Variants in DAB1 observed in about 807,000 individuals in gnomAD.
The protein encoded by DAB1 is DAB adaptor protein 1.
In DAB1, 15 loss-of-function variants were observed where a neutral mutation model predicts 64.6. That is an observed-to-expected ratio of 0.23 (90% CI 0.16 to 0.36). The LOEUF is 0.36. Among genes scored for constraint, DAB1 ranks in the 10% least tolerant of loss-of-function variants. The pLI, the probability that DAB1 is intolerant of heterozygous loss-of-function variation, is 1.00. For missense variants in DAB1, 596 were observed against 706.7 expected, an observed-to-expected ratio of 0.84 and a Z score of 1.78; for synonymous variants, 235 against 251.9, an observed-to-expected ratio of 0.93 and a Z score of 0.64.
chr1:57,015,489 G>T (rs912750386), intron 11 of DAB1, 58 bp from the exon 12 acceptor site: 57 of 1,464,474 alleles, frequency 3.9e-5, no homozygotes, highest in Non-Finnish European at 4.8e-5. Flanking sequence ...AAAGAAGGAT[G>T]CATGGACTCA....
intron 7 of DAB1, among the ~76,000 whole-genome samples, chr1:57,472,128 G>T (rs1277054825): frequency 1.3e-5 from 2 of 152,232 alleles, no homozygotes; most frequent in Non-Finnish European, 2.9e-5. Flanking sequence ...GTGAGTATGT[G>T]GCAGAGCCAG....
rs368574744 is a variant in DAB1, at chr1:58,432,656, A to C, written n.257+73404T>G. Among the ~76,000 whole-genome samples, 141 of 152,300 alleles carry C rather than the reference A, an allele frequency of 9.3e-4. 1 individual carries two copies. The highest frequency in any genetic ancestry group is 3.3e-3 in the African/African-American group (137 of 41,572). Reference sequence around the variant, plus strand: ...GTCACTCCTCCCCCTGCCCCAACCAAGAGCTCCCTAAAGACCAGGACCACC... The same window carrying C: ...GTCACTCCTCCCCCTGCCCCAACCACGAGCTCCCTAAAGACCAGGACCACC... On this transcript the variant is annotated intron_variant and non_coding_transcript_variant, in intron 3 of 20. Coordinates refer to the DAB1 transcript ENST00000485760.
At chr1:57,798,330 G>A (rs753676744) in intron 6 of DAB1, among the ~76,000 whole-genome samples, 9 of 152,216 alleles carry the variant, frequency 5.9e-5, no homozygotes, top group African/African-American at 1.7e-4. Context: ...ATGAAGGTAC[G>A]TAAGTTCTGG....
chr1:57,675,743 A>T (rs1646558974), intron 6 of DAB1, among the ~76,000 whole-genome samples: 2 of 152,240 alleles, frequency 1.3e-5, no homozygotes, highest in Admixed American at 6.5e-5. Flanking sequence ...AACTGAATAT[A>T]GTTCATTATA....
At chr1:57,282,437 G>A (rs115305200) in intron 2 of DAB1, among the ~76,000 whole-genome samples, 4,438 of 152,178 alleles carry the variant, frequency 0.029, 63 homozygotes, top group Non-Finnish European at 0.038. Context: ...TATGCTGCCA[G>A]GGTTACAGTA....
intron 3 of DAB1, among the ~76,000 whole-genome samples, chr1:58,408,950 A>G (rs954730754): frequency 1.3e-5 from 2 of 152,210 alleles, no homozygotes; most frequent in African/African-American, 2.4e-5. Flanking sequence ...GGGGAACACA[A>G]GAGATGAATT....
At chr1:57,507,403 G>C (rs1321021787) in intron 7 of DAB1, among the ~76,000 whole-genome samples, 1 of 152,166 alleles carries the variant, frequency 6.6e-6, no homozygotes, top group Non-Finnish European at 1.5e-5. Flanking sequence ...CTAATTACCT[G>C]TATCATTAAT....
At chr1:57,026,429 A>T (rs1277634371) in intron 9 of DAB1, among the ~76,000 whole-genome samples, 1 of 152,190 alleles carries the variant, frequency 6.6e-6, no homozygotes, top group Non-Finnish European at 1.5e-5. Context: ...CACACATACA[A>T]CTTGCCTTCC....
intron 4 of DAB1, among the ~76,000 whole-genome samples, chr1:58,214,577 T>C (rs1658741476): frequency 6.6e-6 from 1 of 152,144 alleles, no homozygotes; most frequent in Admixed American, 6.5e-5. Context: ...GGCCACTGGA[T>C]TGAGCAACAT....
At chr1:57,062,587 CCCTAGAACA>C (rs1469935497) in intron 9 of DAB1, among the ~76,000 whole-genome samples, 2 of 152,156 alleles carry the variant, frequency 1.3e-5, no homozygotes, top group Non-Finnish European at 2.9e-5. Context: ...GAGACTTTTG[CCCTAGAACA>C]CCTATGACCT....
chr1:58,242,714 G>A (rs1379371760), intron 4 of DAB1, among the ~76,000 whole-genome samples: 1 of 152,030 alleles, frequency 6.6e-6, no homozygotes. Context: ...AGTCAACTAA[G>A]AAGAGTTCAT....
chr1:57,812,952 A>G (rs1291195385), intron 6 of DAB1, among the ~76,000 whole-genome samples: 2 of 152,198 alleles, frequency 1.3e-5, no homozygotes, highest in African/African-American at 4.8e-5. Context: ...TGTGTGGTCT[A>G]CACTACCACA....
rs765174076 is a variant in DAB1, at chr1:57,918,936, C to T, written n.388-34774G>A. Among the ~76,000 whole-genome samples, 9 of 152,188 alleles carry T rather than the reference C, an allele frequency of 5.9e-5. No individual in the cohort carries two copies. The South Asian group carries it at 1.2e-3, about 21-fold the overall frequency. On this transcript the variant is annotated intron_variant and non_coding_transcript_variant, in intron 5 of 20. Coordinates refer to the DAB1 transcript ENST00000485760. ...CACCACATTGGAGGTCACATTTCAA[C>T]GTGAGTTTTTGTCAGGACAAACTAT... is the stretch of plus-strand genomic sequence containing the variant.
upstream of DAB1, among the ~76,000 whole-genome samples, chr1:57,426,550 A>G (rs1685292699): frequency 1.3e-5 from 2 of 152,196 alleles, no homozygotes; most frequent in African/African-American, 4.8e-5. Flanking sequence ...GGCATAAGAA[A>G]AAAATCTCAG....
At chr1:58,375,882 G>C (rs1458829719) in intron 3 of DAB1, among the ~76,000 whole-genome samples, 1 of 144,878 alleles carries the variant, frequency 6.9e-6, no homozygotes, top group Non-Finnish European at 1.5e-5. Context: ...TCTATTCAGA[G>C]ATTCAACTTC....
intron 5 of DAB1, among the ~76,000 whole-genome samples, chr1:57,949,245 G>A (rs1462954960): frequency 2.0e-5 from 3 of 152,138 alleles, no homozygotes; most frequent in Non-Finnish European, 1.5e-5. Context: ...CACAAGGAGT[G>A]CACAGCCTAG....
intron 2 of DAB1, among the ~76,000 whole-genome samples, chr1:57,236,498 T>A (rs553826623): frequency 4.6e-5 from 7 of 152,080 alleles, no homozygotes; most frequent in Non-Finnish European, 1.0e-4. Context: ...GGGGTTACAT[T>A]CTAGGCAATG....
At chr1:57,830,577 T>C (rs1372883673) in intron 1 of DAB1, among the ~76,000 whole-genome samples, 2 of 152,094 alleles carry the variant, frequency 1.3e-5, no homozygotes, top group African/African-American at 2.4e-5. Context: ...TATGTCTCCT[T>C]ACACATGAAA....
chr1:58,489,264 G>A lies in DAB1; in HGVS notation n.257+16796C>T, dbSNP rs140122112. Among the ~76,000 whole-genome samples, 883 of 152,300 alleles carry A rather than the reference G, an allele frequency of 5.8e-3. 32 individuals carry two copies. Among genetic ancestry groups the A allele is most frequent in the Admixed American group, 0.054 (827 of 15,300 alleles). ...CACCCTAATACTGCAATTTTCCGAC[G>A]GTCTTAGCAAACGGCACACCAGGAG... On this transcript the variant is annotated intron_variant and non_coding_transcript_variant, in intron 3 of 20. Coordinates refer to the DAB1 transcript ENST00000485760.
Sources: gnomAD v4.1 joint callset for allele counts (sites outside exome capture counted in the v4.1 genomes callset) on GRCh38, gnomAD v4.1.1 for gene constraint, MANE v1.5 for transcripts, NCBI Gene and HGNC (gene_info 2026-07-23, HGNC 2026-07-21) for gene names.